Variants in PLIN4 observed in about 807,000 individuals in gnomAD.
PLIN4 encodes the protein perilipin 4, also known as perilipin-4.
PLIN4 carries 57 observed loss-of-function variants against 52.4 expected under a neutral mutation model. The ratio of observed to expected loss-of-function variants is 1.09; its 90% CI spans 0.88 to 1.36. The LOEUF is 1.36. Among genes scored for constraint, PLIN4 ranks in the 40% most tolerant of loss-of-function variants. The pLI is 0.00. For synonymous variants in PLIN4, 826 were observed against 785.4 expected, an observed-to-expected ratio of 1.05 and a Z score of -0.86; for missense variants, 1,757 against 1,770.3, an observed-to-expected ratio of 0.99 and a Z score of 0.13.
chr19:4,504,363 A>T lies in PLIN4; in HGVS notation c.*96T>A, dbSNP rs975872508. The T allele has an allele frequency of 5.6e-6, 7 of 1,256,816 alleles. No homozygotes were observed. In the African/African-American group the frequency reaches 1.1e-4, roughly 19 times the overall value. 77.9% of individuals were successfully genotyped at this position (1,256,816 alleles called of 1,614,324 possible). A position where few individuals can be genotyped will look rare whatever the true frequency, so the allele number is the denominator to read the frequency against. ...GCCCCAAAGGTCTAGGGCTTTAGGG[A>T]ACCGATCCAGGTTTGGGGGCGGGGA... On this transcript the variant is annotated 3_prime_UTR_variant, in exon 8 of 8. Coordinates refer to ENST00000301286, the MANE Select transcript of PLIN4 (RefSeq NM_001367868.2).
At chr19:4,514,301 A>G (rs987403431) in intron 4 of PLIN4, among the ~76,000 whole-genome samples, 4 of 151,854 alleles carry the variant, frequency 2.6e-5, no homozygotes, top group Admixed American at 2.0e-4. Flanking sequence ...AATTTTAACA[A>G]CTGGCTGGGC....
At chr19:4,516,780 A>C in intron 3 of PLIN4, 102 bp from the exon 4 acceptor site, 1 of 1,206,900 alleles carries the variant, frequency 8.3e-7, no homozygotes, top group Non-Finnish European at 1.1e-6. Context: ...AAAGGTCAGG[A>C]ATGTTTCAGC....
intron 6 of PLIN4, among the ~76,000 whole-genome samples, chr19:4,508,257 C>T (rs1194125137): frequency 2.0e-5 from 3 of 152,128 alleles, no homozygotes; most frequent in Admixed American, 1.3e-4. Flanking sequence ...TTTGTGTCCC[C>T]ACCGTCTTTA....
Position 4,512,579 on chromosome 19 carries a change from C to G in PLIN4, c.1381G>C (p.Val461Leu), listed in dbSNP as rs754501970. ...IQTGVDTTKIVLTGTKDTVCS... is the reference protein window; with the variant it reads ...IQTGVDTTKILLTGTKDTVCS... ...ACAGTGTCCTTGGTACCAGTTAGAA[C>G]GATCTTGGTGGTGTCCACGCCTGTC... is the stretch of plus-strand genomic sequence containing the variant. The change falls in exon 5 of 8, where the codon GTT (valine) becomes CTT (leucine). Residue 461 changes from valine to leucine, a missense_variant. Physicochemically the swap from Val to Leu is conservative, Grantham distance 32 (BLOSUM62 1). Around this residue, in one of 7 missense-constraint regions of PLIN4, gnomAD observed 439 missense variants for 406.4 expected, o/e 1.08. Coordinates refer to ENST00000301286, the MANE Select transcript of PLIN4 (RefSeq NM_001367868.2). The G allele has an allele frequency of 4.3e-6, 7 of 1,610,586 alleles. No homozygotes were observed. In the South Asian group the frequency reaches 7.8e-5, roughly 18 times the overall value.
intron 2 of PLIN4, among the ~76,000 whole-genome samples, 166 bp from the exon 3 acceptor site, chr19:4,517,864 G>A (rs1014339944): frequency 2.0e-5 from 3 of 152,172 alleles, no homozygotes; most frequent in Non-Finnish European, 4.4e-5. Context: ...CCTGGGCAAT[G>A]GGCAGACTCA....
chr19:4,513,518 C>T lies in PLIN4; in HGVS notation c.442G>A (p.Asp148Asn). The T allele has an allele frequency of 6.2e-7, 1 of 1,610,712 alleles. No homozygotes were observed. The highest frequency in any genetic ancestry group is 8.5e-7 in the Non-Finnish European group (1 of 1,178,316). Reference protein sequence around the residue: ...VVSSGVTGAMDMAKGAVQGGL... With the variant: ...VVSSGVTGAMNMAKGAVQGGL... ...CCTTGGACGGCCCCCTTAGCCATGT[C>T]CATGGCCCCTGTGACCCCGCTGGAC... The change falls in exon 5 of 8, where the codon GAC becomes AAC. Residue 148 changes from aspartate (D) to asparagine (N), a missense_variant. Asp to Asn is a conservative substitution (Grantham distance 23). This residue lies in a region of PLIN4 where 332 missense variants were observed against 310.8 expected (regional missense o/e 1.07). Transcript: ENST00000301286.
rs1568234284 is a variant in PLIN4 at position 4,512,654 on chromosome 19, CG to C, written c.1305del (p.Val436SerfsTer5). 6.4e-7 allele frequency: 1 copy of C among 1,570,964 alleles called. No homozygotes were observed. Among genetic ancestry groups the C allele is most frequent in the Non-Finnish European group, 8.6e-7 (1 of 1,160,852 alleles). On this transcript the variant is annotated frameshift_variant, in exon 5 of 8. Coordinates refer to ENST00000301286, the MANE Select transcript of PLIN4 (RefSeq NM_001367868.2). LOFTEE classifies it high-confidence loss of function. The part of the protein sequence containing the change: ...TQNIATGTKD[T>X]VCSGVTGAMN... ...ATGGCACCAGTCACCCCACTGCAGACGGTGTCCTTTGTACCTGTTGCGATAT... is the reference window on the plus strand; with the variant it reads ...ATGGCACCAGTCACCCCACTGCAGACGTGTCCTTTGTACCTGTTGCGATAT...
intron 6 of PLIN4, among the ~76,000 whole-genome samples, chr19:4,507,690 CTG>C (rs1976136326): frequency 6.6e-6 from 1 of 152,090 alleles, no homozygotes; most frequent in African/African-American, 2.4e-5. Context: ...CCCTGTCTCA[CTG>C]TCTCCAAAAC....
rs1266077464 is a variant in PLIN4 at position 4,502,209 on chromosome 19, A to G, written c.*2250T>C. 1.5e-6 allele frequency: 1 copy of G among 669,952 alleles called. No homozygotes were observed. The highest frequency in any genetic ancestry group is 1.6e-5 in the South Asian group (1 of 61,464). 41.5% of individuals were successfully genotyped at this position (669,952 alleles called of 1,614,324 possible). ...ATAAATGGTTTTTTAATGAAAAAAG[A>G]AATCACTTTTATTGGCTTGGTTTTC... On this transcript the variant is annotated 3_prime_UTR_variant, in exon 8 of 8. Coordinates refer to ENST00000301286, the MANE Select transcript of PLIN4 (RefSeq NM_001367868.2).
chr19:4,517,230 A>C (rs923051653), intron 3 of PLIN4, among the ~76,000 whole-genome samples: 34 of 151,834 alleles, frequency 2.2e-4, no homozygotes, highest in African/African-American at 8.2e-4. Context: ...TCTGGATCTC[A>C]CTCTGATGAG....
In PLIN4 at chr19:4,512,690, T is replaced by G; in HGVS notation, c.1270A>C (p.Thr424Pro). The G allele has an allele frequency of 9.0e-6, 14 of 1,555,108 alleles. 1 individual carries two copies. The highest frequency in any genetic ancestry group is 1.2e-5 in the Non-Finnish European group (14 of 1,157,006). ...GTACCTGTTGCGATATTTTGGGTTG[T>G]GTTCAGCCCAGTTTGCATGGCCCCC... ...AKGAMQTGLN[T>P]TQNIATGTKD... Residue 424 changes from threonine to proline, a missense_variant, in exon 5 of 8, where the codon ACA becomes CCA. By Grantham distance (38) the Thr-to-Pro change is conservative. This residue lies in a region of PLIN4 where 439 missense variants were observed against 406.4 expected (regional missense o/e 1.08). Coordinates refer to ENST00000301286, the MANE Select transcript of PLIN4 (RefSeq NM_001367868.2).
Position 4,510,829 on chromosome 19 carries a change from GCC to G in PLIN4, c.3129_3130del (p.Ala1044HisfsTer14), listed in dbSNP as rs1284457344. On this transcript the variant is annotated frameshift_variant, in exon 5 of 8. Transcript: ENST00000301286. LOFTEE classifies it high-confidence loss of function. ...GAAGGTGCTGAGGCCAGTGTGGGTG[GCC>G]CCTGTCGCCACGTTCCCTGACCCCA... 4 of 1,611,584 alleles carry G rather than the reference GCC, an allele frequency of 2.5e-6. No homozygotes were observed. Among genetic ancestry groups the G allele is most frequent in the Non-Finnish European group, 2.5e-6 (3 of 1,178,348 alleles).
At chr19:4,507,175 G>A (rs1477795473) in intron 6 of PLIN4, among the ~76,000 whole-genome samples, 2 of 152,372 alleles carry the variant, frequency 1.3e-5, no homozygotes, top group African/African-American at 2.4e-5. Context: ...GATGTTGATG[G>A]AAAACACAGT....
chr19:4,513,845 C>T, intron 4 of PLIN4, 144 bp from the exon 5 acceptor site: 1 of 1,081,182 alleles, frequency 9.2e-7, no homozygotes, highest in Non-Finnish European at 1.3e-6. Context: ...AAGCAAGCTG[C>T]TTCCTCCTCA....
chr19:4,518,214 C>G lies in PLIN4; in HGVS notation c.51+8G>C. ...CCAGCAAGAATCTGCCCCATTTCCC[C>G]TCTTTACCTTGCCCTTCGGTTTGGG... On this transcript the variant is annotated splice_region_variant and intron_variant, in intron 2 of 7. Transcript: ENST00000301286. 8.1e-7 allele frequency: 1 copy of G among 1,233,304 alleles called. No homozygotes were observed. Among genetic ancestry groups the G allele is most frequent in the Non-Finnish European group, 1.0e-6 (1 of 988,878 alleles). 76.4% of individuals were successfully genotyped at this position (1,233,304 alleles called of 1,614,324 possible). A position where few individuals can be genotyped will look rare whatever the true frequency, so the allele number is the denominator to read the frequency against.
Position 4,502,343 on chromosome 19 carries a change from G to A in PLIN4, c.*2116C>T. 1 of 387,788 alleles carries A rather than the reference G, an allele frequency of 2.6e-6. No homozygotes were observed. The highest frequency in any genetic ancestry group is 2.2e-5 in the South Asian group (1 of 45,370). 24.0% of individuals were successfully genotyped at this position (387,788 alleles called of 1,614,324 possible). ...AGGCCACCGTGAGAAGCGACTAAAA[G>A]GCACTCTGGGCCCAGCCCAACCCTG... On this transcript the variant is annotated 3_prime_UTR_variant, in exon 8 of 8. Transcript: ENST00000301286.
At position 4,512,865 on chromosome 19, in the gene PLIN4, G is replaced by A. The variant is rs61730751; in HGVS notation, c.1095C>T (p.Gly365=). The A allele has an allele frequency of 8.9e-4, 1,288 of 1,446,784 alleles. 483 individuals are homozygous for A. The African/African-American group carries it at 0.046, about 52-fold the overall frequency. The allele number at this position is 1,446,784 out of a possible 1,614,324, so 89.6% of individuals were successfully genotyped here. ...GVDTTKTVLT[G]TKNTVCSGVT... is the part of the protein sequence containing the mutation. ...CCCCACTGCAGACAGTGTTCTTGGTGCCAGTTAGGACAGTCTTGGTGGTGT... is the reference window on the plus strand; with the variant it reads ...CCCCACTGCAGACAGTGTTCTTGGTACCAGTTAGGACAGTCTTGGTGGTGT... The change falls in exon 5 of 8, where the codon GGC becomes GGT. Residue 365 remains glycine (G), a synonymous_variant. Coordinates refer to ENST00000301286, the MANE Select transcript of PLIN4 (RefSeq NM_001367868.2).
At position 4,512,092 on chromosome 19, in the gene PLIN4, G is replaced by A. The variant is rs751653789; in HGVS notation, c.1868C>T (p.Thr623Ile). The A allele has an allele frequency of 1.2e-5, 20 of 1,607,616 alleles. No homozygotes were observed. The highest frequency in any genetic ancestry group is 1.7e-5 in the Non-Finnish European group (20 of 1,178,528). ...KGTVQTGMDT[T>I]KTVLTGTKDT... ...CTTGGTACCGGTTAGGACAGTTTTG[G>A]TGGTGTCCATGCCTGTCTGGACGGT... Residue 623 changes from threonine to isoleucine, a missense_variant, in exon 5 of 8, where the codon ACC (threonine) becomes ATC (isoleucine). By Grantham distance (89) the Thr-to-Ile change is moderately conservative. This residue lies in a region of PLIN4 where 439 missense variants were observed against 406.4 expected (regional missense o/e 1.08). Coordinates refer to ENST00000301286, the MANE Select transcript of PLIN4 (RefSeq NM_001367868.2).
chr19:4,509,316 A>AAAAAAAAAAAAAAAACAAACAAACAAAC (rs764523711), intron 5 of PLIN4, among the ~76,000 whole-genome samples: 2 of 111,810 alleles, frequency 1.8e-5, no homozygotes, highest in African/African-American at 6.2e-5. Flanking sequence ...GTCTCAAAAA[A>AAAAAAAAAAAAAAAACAAACAAACAAAC]AAAAAAAAAG....
Sources: allele counts gnomAD v4.1 joint callset (sites outside exome capture counted in the v4.1 genomes callset), GRCh38; gene constraint gnomAD v4.1.1; regional missense constraint gnomAD v4.1.1; transcripts MANE v1.5; gene names NCBI Gene and HGNC (gene_info 2026-07-23, HGNC 2026-07-21).